CD109: variants seen among roughly 807,000 people sequenced by gnomAD.
CD109 encodes the protein CD109 antigen.
In CD109, 149 loss-of-function variants were observed where a neutral mutation model predicts 165.8. The observed-to-expected ratio is 0.90, with a 90% CI of 0.79 to 1.03. The LOEUF (loss-of-function observed/expected upper bound fraction) is 1.03, where lower values mean the gene tolerates loss of function less well. CD109 is among the 50% of genes least tolerant of loss of function. The pLI, the probability that CD109 is intolerant of heterozygous loss-of-function variation, is 0.00. For missense variants in CD109, 1,712 were observed against 1,677.8 expected (o/e 1.02, Z -0.36); for synonymous variants, 585 against 592.1 (o/e 0.99, Z 0.18).
At chr6:73,818,306 T>A in intron 30 of CD109, 82 bp from the exon 31 acceptor site, 1 of 1,455,168 alleles carries the variant, frequency 6.9e-7, no homozygotes, top group Non-Finnish European at 9.6e-7. Flanking sequence ...TTTGGTGGGT[T>A]TGATTTTTGT....
At chr6:73,790,114 A>ATTTTTTTTTTT (rs1223153955) in intron 22 of CD109, among the ~76,000 whole-genome samples, 1 of 57,322 alleles carries the variant, frequency 1.7e-5, no homozygotes, top group African/African-American at 8.5e-5. Context: ...TTTTTTTTTG[A>ATTTTTTTTTTT]GATGGAGTCT....
upstream of CD109, chr6:73,695,895 G>A (rs1770803495): frequency 1.6e-5 from 6 of 379,218 alleles, no homozygotes; most frequent in African/African-American, 8.8e-5. Flanking sequence ...CCGGGGAAGT[G>A]GGCGCGCTCT....
intron 24 of CD109, 149 bp from the exon 25 acceptor site, chr6:73,806,695 A>C (rs1318396141): frequency 3.3e-6 from 2 of 603,666 alleles, no homozygotes; most frequent in African/African-American, 3.7e-5. Flanking sequence ...TTCTTTTTTG[A>C]TTTTTTTCTT....
intron 2 of CD109, among the ~76,000 whole-genome samples, chr6:73,722,353 T>A (rs765171112): frequency 4.6e-5 from 7 of 152,186 alleles, no homozygotes. Context: ...CATCCTCATC[T>A]TATGGATGAA....
intron 29 of CD109, among the ~76,000 whole-genome samples, chr6:73,813,442 A>G (rs965621285): frequency 2.6e-5 from 4 of 152,168 alleles, no homozygotes; most frequent in African/African-American, 7.2e-5. Context: ...TGAAGCACAC[A>G]GGGGTAAATG....
intron 2 of CD109, among the ~76,000 whole-genome samples, chr6:73,714,712 A>G (rs564846933): frequency 3.3e-5 from 5 of 152,332 alleles, no homozygotes; most frequent in Non-Finnish European, 7.3e-5. Context: ...ATGACACAAA[A>G]TATTTTAGAG....
Position 73,823,870 on chromosome 6 carries a change from A to G in CD109, c.*237A>G, listed in dbSNP as rs1776189817. ...TGTGTGTCTATATTTTCCCCTCTCA[A>G]AATCTTTTAGAATTTTTTTGGAGGT... On this transcript the variant is annotated 3_prime_UTR_variant, in exon 33 of 33. Transcript: ENST00000287097. 1 of 349,416 alleles carries G rather than the reference A, an allele frequency of 2.9e-6. No homozygotes were observed. Among genetic ancestry groups the G allele is most frequent in the East Asian group, 4.3e-5 (1 of 23,318 alleles). The allele number at this position is 349,416 out of a possible 1,614,324, so 21.6% of individuals were successfully genotyped here. A position where few individuals can be genotyped will look rare whatever the true frequency, so the allele number is the denominator to read the frequency against.
chr6:73,742,992 A>AGGCAGTGTTG (rs759320415), intron 5 of CD109, among the ~76,000 whole-genome samples: 16 of 152,286 alleles, frequency 1.1e-4, no homozygotes, highest in Non-Finnish European at 2.1e-4. Flanking sequence ...TTCCATTGAG[A>AGGCAGTGTTG]GGCAGTGTTG....
intron 23 of CD109, 89 bp downstream of exon 23, chr6:73,792,891 T>C (rs1582169117): frequency 2.0e-6 from 2 of 1,000,994 alleles, no homozygotes; most frequent in Non-Finnish European, 1.4e-6. Context: ...TCAAAATAGA[T>C]GGATTTTGTC....
rs572483163 is a variant in CD109, at chr6:73,826,968, A to C, written c.*3335A>C. On this transcript the variant is annotated 3_prime_UTR_variant, in exon 33 of 33. Coordinates refer to ENST00000287097, the MANE Select transcript of CD109 (RefSeq NM_133493.5). ...ACTATTTTTATTTTTACATAATTCA[A>C]TTATTTCATTTGACATGTCTGGCAG... The C allele has an allele frequency of 1.5e-4, 23 of 152,074 alleles. No homozygotes were observed. The highest frequency in any genetic ancestry group is 7.9e-4 in the Admixed American group (12 of 15,264). The allele number at this position is 152,074 out of a possible 1,614,324, so 9.4% of individuals were successfully genotyped here.
chr6:73,765,002 G>T (rs1773780999), intron 10 of CD109, among the ~76,000 whole-genome samples: 2 of 152,106 alleles, frequency 1.3e-5, no homozygotes, highest in African/African-American at 4.8e-5. Flanking sequence ...GAAACCATGG[G>T]CGTTCAGAGG....
At chr6:73,707,962 TTATATATATA>T (rs200081535) in intron 2 of CD109, among the ~76,000 whole-genome samples, 1,718 of 126,630 alleles carry the variant, frequency 0.014, 23 homozygotes, top group African/African-American at 0.016. Context: ...ATTGTTATCT[TTATATATATA>T]TATATATATA....
chr6:73,781,657 G>A (rs891135705), intron 17 of CD109, among the ~76,000 whole-genome samples: 1 of 137,540 alleles, frequency 7.3e-6, no homozygotes, highest in Non-Finnish European at 1.6e-5. Flanking sequence ...TTTAAAAGGA[G>A]CAACATATTT....
At chr6:73,819,347 A>G (rs1776037522) in intron 31 of CD109, among the ~76,000 whole-genome samples, 1 of 152,218 alleles carries the variant, frequency 6.6e-6, no homozygotes, top group Non-Finnish European at 1.5e-5. Context: ...TAAAGTGCAC[A>G]CAGTGTGTAG....
intron 32 of CD109, among the ~76,000 whole-genome samples, chr6:73,822,614 T>G (rs530694940): frequency 9.2e-5 from 14 of 152,314 alleles, no homozygotes; most frequent in African/African-American, 3.4e-4. Flanking sequence ...GTTGCAAAAT[T>G]CCCCAATTTA....
intron 19 of CD109, 22 bp downstream of exon 19, chr6:73,783,846 T>G (rs1224841515): frequency 7.4e-7 from 1 of 1,344,846 alleles, no homozygotes; most frequent in Non-Finnish European, 1.1e-6. Context: ...AAGAGCTGCT[T>G]ATCAGTATTA....
chr6:73,796,836 C>G (rs942044712), intron 23 of CD109, among the ~76,000 whole-genome samples: 1 of 152,156 alleles, frequency 6.6e-6, no homozygotes, highest in Non-Finnish European at 1.5e-5. Context: ...ATGTGCTACT[C>G]TTTTTGCTGG....
In CD109 at chr6:73,787,265, T is replaced by C. The variant is rs1461378144; in HGVS notation, c.2369T>C (p.Phe790Ser). 2 of 1,613,292 alleles carry C rather than the reference T, an allele frequency of 1.2e-6. No individual in the cohort carries two copies. The highest frequency in any genetic ancestry group is 1.7e-6 in the Non-Finnish European group (2 of 1,179,610). Residue 790 changes from phenylalanine to serine, a missense_variant, in exon 21 of 33, where the codon TTT becomes TCT. Phe to Ser is a radical substitution (Grantham distance 155). Transcript: ENST00000287097. Reference protein sequence around the residue: ...VKVIIEKSDKFDILMTSNEIN... With the variant: ...VKVIIEKSDKSDILMTSNEIN... ...GTAATCATTGAGAAAAGTGACAAAT[T>C]TGATATTCTAATGACTTCAAATGAA...
the CD109 span, among the ~76,000 whole-genome samples, chr6:73,684,791 C>T: frequency 1.3e-5 from 2 of 152,140 alleles, no homozygotes; most frequent in Non-Finnish European, 2.9e-5. Context: ...CTCAAGTGAT[C>T]CTCTTGCCTC....
Sources: allele counts gnomAD v4.1 joint callset (sites outside exome capture counted in the v4.1 genomes callset), GRCh38; gene constraint gnomAD v4.1.1; transcripts MANE v1.5; gene names NCBI Gene and HGNC (gene_info 2026-07-23, HGNC 2026-07-21).